TRDN: variants seen among roughly 807,000 people sequenced by gnomAD.
TRDN encodes triadin in skeletal muscle.
Under a neutral mutation model 149.7 loss-of-function variants are expected in TRDN, and 161 were observed. The observed-to-expected ratio is 1.08, with a 90% CI of 0.95 to 1.23. TRDN has a LOEUF of 1.23. TRDN is among the 50% of genes most tolerant of loss of function. The pLI is 0.00. For synonymous variants in TRDN, 294 were observed against 250.5 expected (o/e 1.17, Z -1.64); for missense variants, 896 against 823.5 (o/e 1.09, Z -1.08).
At chr6:123,466,953 T>C (rs1173957742) in intron 9 of TRDN, among the ~76,000 whole-genome samples, 1 of 152,092 alleles carries the variant, frequency 6.6e-6, no homozygotes, top group Non-Finnish European at 1.5e-5. Flanking sequence ...CTTATTATAC[T>C]ATATATAAAA....
At chr6:123,547,214 T>C (rs953717200) in intron 4 of TRDN, 126 bp downstream of exon 4, 2 of 582,268 alleles carry the variant, frequency 3.4e-6, no homozygotes, top group South Asian at 2.7e-5. Context: ...TTTCTGACTA[T>C]AAATCTTGAC....
intron 8 of TRDN, chr6:123,502,057 A>G (rs1030166190): frequency 8.1e-6 from 8 of 983,544 alleles, no homozygotes; most frequent in South Asian, 4.7e-5. Flanking sequence ...ACTGGCATCA[A>G]TTTTTACACT....
chr6:123,320,054 T>C (rs1169639005), intron 23 of TRDN, among the ~76,000 whole-genome samples: 1 of 152,048 alleles, frequency 6.6e-6, no homozygotes, highest in African/African-American at 2.4e-5. Context: ...AATATATAAA[T>C]CCCAATAATC....
intron 29 of TRDN, among the ~76,000 whole-genome samples, chr6:123,272,085 T>C (rs2114614080): frequency 6.6e-6 from 1 of 152,128 alleles, no homozygotes; most frequent in South Asian, 2.1e-4. Context: ...TCCTATATTT[T>C]CTGTTGTTGG....
In TRDN at chr6:123,351,072, A is replaced by G. The variant is rs57677448; in HGVS notation, c.1369+1467T>C. 310 of 984,982 alleles carry G rather than the reference A, an allele frequency of 3.1e-4. 1 individual carries two copies. In the African/African-American group the frequency reaches 5.2e-3, roughly 17 times the overall value. 61.0% of individuals were successfully genotyped at this position (984,982 alleles called of 1,614,324 possible). ...TTTATATCTAGTCAATCTTCTTTTG[A>G]TATACTGTGGCTATGAAAACAACCT... On this transcript the variant is annotated intron_variant, in intron 21 of 40. Coordinates refer to ENST00000334268, the MANE Select transcript of TRDN (RefSeq NM_006073.4).
At chr6:123,604,074 C>T (rs187700880) in intron 1 of TRDN, among the ~76,000 whole-genome samples, 1 of 152,272 alleles carries the variant, frequency 6.6e-6, no homozygotes, top group East Asian at 1.9e-4. Context: ...AATTTGTCCC[C>T]TTTTATCATT....
chr6:123,321,167 G>T (rs1487907917), intron 23 of TRDN, among the ~76,000 whole-genome samples: 1 of 152,102 alleles, frequency 6.6e-6, no homozygotes, highest in East Asian at 1.9e-4. Context: ...TCAGGCAATT[G>T]TGTGACCTGG....
intron 40 of TRDN, among the ~76,000 whole-genome samples, chr6:123,220,748 T>C (rs576730206): frequency 7.2e-5 from 11 of 151,882 alleles, no homozygotes; most frequent in African/African-American, 2.7e-4. Flanking sequence ...CACTGGAGAA[T>C]CAAGAGACGT....
chr6:123,241,230 T>C (rs1374407939), intron 38 of TRDN, among the ~76,000 whole-genome samples: 1 of 151,230 alleles, frequency 6.6e-6, no homozygotes. Flanking sequence ...TAAAAATAGG[T>C]TATACTTTTA....
chr6:123,310,329 A>T (rs1295925115), intron 24 of TRDN, among the ~76,000 whole-genome samples: 12 of 152,040 alleles, frequency 7.9e-5, no homozygotes, highest in Admixed American at 2.6e-4. Context: ...TGAGGTCTGC[A>T]GCTGTGGTTG....
intron 9 of TRDN, among the ~76,000 whole-genome samples, chr6:123,487,218 G>A (rs1048982739): frequency 4.6e-5 from 7 of 152,114 alleles, no homozygotes; most frequent in East Asian, 1.9e-4. Context: ...GTTATAAACA[G>A]GTCAAGTTCT....
chr6:123,415,535 A>G (rs1773613731), intron 12 of TRDN, among the ~76,000 whole-genome samples: 1 of 152,204 alleles, frequency 6.6e-6, no homozygotes, highest in African/African-American at 2.4e-5. Context: ...TAATGTTAAA[A>G]CATAGTTCTT....
intron 9 of TRDN, among the ~76,000 whole-genome samples, chr6:123,478,680 A>G (rs188040621): frequency 1.3e-5 from 2 of 152,288 alleles, no homozygotes; most frequent in Non-Finnish European, 2.9e-5. Flanking sequence ...TATTTAATGT[A>G]CCCAGCATGC....
intron 9 of TRDN, among the ~76,000 whole-genome samples, chr6:123,468,466 C>T (rs1279486774): frequency 1.3e-5 from 2 of 152,092 alleles, no homozygotes; most frequent in African/African-American, 4.8e-5. Context: ...GAGTTCTTTT[C>T]CATACAAGTC....
chr6:123,351,079 G>A (rs1459538526), intron 21 of TRDN: 1 of 984,820 alleles, frequency 1.0e-6, no homozygotes, highest in Non-Finnish European at 1.2e-6. Context: ...TTGATATACT[G>A]TGGCTATGAA....
At chr6:123,333,707 G>T (rs928935542) in intron 22 of TRDN, among the ~76,000 whole-genome samples, 4 of 152,052 alleles carry the variant, frequency 2.6e-5, no homozygotes, top group African/African-American at 9.7e-5. Flanking sequence ...TTATTACATG[G>T]AAACTCTGCA....
intron 34 of TRDN, 102 bp from the exon 35 acceptor site, chr6:123,259,764 T>C (rs1217925604): frequency 2.3e-4 from 183 of 784,940 alleles, no homozygotes; most frequent in Non-Finnish European, 1.2e-5. Flanking sequence ...ATCTTATGAG[T>C]GGAGGGAGTC....
intron 29 of TRDN, among the ~76,000 whole-genome samples, chr6:123,272,142 C>T (rs561091766): frequency 6.6e-6 from 1 of 151,898 alleles, no homozygotes; most frequent in Non-Finnish European, 1.5e-5. Context: ...ATCACACAGA[C>T]TAAAACCCAT....
intron 2 of TRDN, among the ~76,000 whole-genome samples, chr6:123,551,723 A>C (rs967791755): frequency 6.6e-6 from 1 of 151,968 alleles, no homozygotes; most frequent in Non-Finnish European, 1.5e-5. Flanking sequence ...GGCACAGATA[A>C]TTTAAATAAG....
Sources: allele counts gnomAD v4.1 joint callset (sites outside exome capture counted in the v4.1 genomes callset), GRCh38; gene constraint gnomAD v4.1.1; transcripts MANE v1.5; gene names NCBI Gene and HGNC (gene_info 2026-07-23, HGNC 2026-07-21).